HSD17B7: variants seen among roughly 807,000 people sequenced by gnomAD.
HSD17B7 encodes the protein hydroxysteroid 17-beta dehydrogenase 7, also known as 3-keto-steroid reductase/17-beta-hydroxysteroid dehydrogenase 7.
Under a neutral mutation model 34.1 loss-of-function variants are expected in HSD17B7, and 17 were observed. The ratio of observed to expected loss-of-function variants is 0.50; its 90% CI spans 0.34 to 0.75. The LOEUF is 0.75. Among genes scored for constraint, HSD17B7 ranks in the 30% least tolerant of loss-of-function variants. HSD17B7 has a pLI of 0.01. For synonymous variants in HSD17B7, 122 were observed against 154.6 expected (o/e 0.79, Z 1.56); for missense variants, 296 against 406.6 (o/e 0.73, Z 2.34).
chr1:162,808,043 A>G (rs1019509889), intron 8 of HSD17B7, among the ~76,000 whole-genome samples: 38 of 152,274 alleles, frequency 2.5e-4, no homozygotes, highest in African/African-American at 8.9e-4. Flanking sequence ...GTCCTTGCCC[A>G]TGCCTATGTC....
intron 5 of HSD17B7, chr1:162,800,322 A>C: frequency 2.2e-6 from 1 of 455,894 alleles, no homozygotes; most frequent in Non-Finnish European, 4.4e-6. Context: ...AACTTAAGTC[A>C]TTTACCTGAT....
At chr1:162,803,023 C>G (rs1350490956) in intron 5 of HSD17B7, 2 of 155,326 alleles carry the variant, frequency 1.3e-5, no homozygotes, top group African/African-American at 4.8e-5. Flanking sequence ...AGGCCAGAAA[C>G]TTCTTGAAGG....
intron 8 of HSD17B7, among the ~76,000 whole-genome samples, chr1:162,806,194 G>C (rs115993066): frequency 3.3e-5 from 5 of 152,112 alleles, no homozygotes; most frequent in Non-Finnish European, 7.4e-5. Context: ...TTTGTCATGC[G>C]TAAGGTTTGT....
intron 1 of HSD17B7, among the ~76,000 whole-genome samples, chr1:162,791,186 C>T (rs1187946447): frequency 6.6e-6 from 1 of 152,116 alleles, no homozygotes; most frequent in Non-Finnish European, 1.5e-5. Context: ...TTGCTCCTGA[C>T]CACGTGATCA....
intron 8 of HSD17B7, among the ~76,000 whole-genome samples, chr1:162,810,619 T>C (rs953235570): frequency 2.6e-5 from 4 of 151,312 alleles, no homozygotes; most frequent in African/African-American, 9.7e-5. Context: ...ACTTGCTTTA[T>C]GAATCTGGGT....
chr1:162,795,813 C>A, intron 2 of HSD17B7: 1 of 346,712 alleles, frequency 2.9e-6, no homozygotes, highest in Non-Finnish European at 5.7e-6. Flanking sequence ...CTGCCTTGAA[C>A]CTAGTTCAAA....
chr1:162,792,534 C>A, intron 1 of HSD17B7, 125 bp from the exon 2 acceptor site: 4 of 1,284,858 alleles, frequency 3.1e-6, no homozygotes, highest in South Asian at 1.5e-5. Flanking sequence ...ATTGTTGAGT[C>A]TTTTCTTTCT....
intron 8 of HSD17B7, among the ~76,000 whole-genome samples, chr1:162,807,046 C>T (rs1649003224): frequency 6.6e-6 from 1 of 152,156 alleles, no homozygotes; most frequent in African/African-American, 2.4e-5. Context: ...CATATGTATA[C>T]ATGTGCCATG....
intron 8 of HSD17B7, among the ~76,000 whole-genome samples, chr1:162,806,666 G>T (rs902260400): frequency 1.3e-5 from 2 of 152,146 alleles, no homozygotes; most frequent in African/African-American, 4.8e-5. Context: ...TCCCTTTGGG[G>T]AATTCTATTG....
At chr1:162,804,942 T>C (rs1300325549) in intron 7 of HSD17B7, among the ~76,000 whole-genome samples, 1 of 152,242 alleles carries the variant, frequency 6.6e-6, no homozygotes, top group Non-Finnish European at 1.5e-5. Context: ...TGCTAACGGT[T>C]CAGAATTGTC....
chr1:162,805,780 T>C (rs989140171), intron 8 of HSD17B7, among the ~76,000 whole-genome samples: 2 of 152,238 alleles, frequency 1.3e-5, no homozygotes, highest in African/African-American at 4.8e-5. Flanking sequence ...TGGGTGCCTC[T>C]GTAATAGGCT....
intron 8 of HSD17B7, among the ~76,000 whole-genome samples, chr1:162,811,334 G>A (rs1649163758): frequency 6.6e-6 from 1 of 152,292 alleles, no homozygotes; most frequent in South Asian, 2.1e-4. Context: ...AGTCTGATGG[G>A]CTTCCCTTTG....
rs1648678651 is a variant in HSD17B7, at chr1:162,798,006, C to G, written c.447+90C>G. 5 of 1,451,800 alleles carry G rather than the reference C, an allele frequency of 3.4e-6. No homozygotes were observed. In the Admixed American group the frequency reaches 1.3e-4, roughly 37 times the overall value. The allele number at this position is 1,451,800 out of a possible 1,614,324, so 89.9% of individuals were successfully genotyped here. ...CAGGGCATTATTATAGTTGAGCAGC[C>G]AGTTAACTGATTTAATCTCATGTTT... On this transcript the variant is annotated intron_variant, in intron 4 of 8. Coordinates refer to ENST00000254521, the MANE Select transcript of HSD17B7 (RefSeq NM_016371.4).
intron 5 of HSD17B7, chr1:162,800,224 G>A (rs557348612): frequency 2.9e-4 from 162 of 550,050 alleles, no homozygotes; most frequent in Admixed American, 2.3e-3. Context: ...TGCTGTATTC[G>A]TCTGTGTATG....
rs746310965 is a variant in HSD17B7 at position 162,803,384 on chromosome 1, A to G, written c.643-47A>G. The G allele has an allele frequency of 7.0e-6, 11 of 1,580,160 alleles. No homozygotes were observed. The Admixed American group carries it at 1.9e-4, about 27-fold the overall frequency. ...AACTAGCATGTAGCTGGACTGAGTCAATATACACTGAGTTAAAGTCTCATT... is the reference window on the plus strand; with the variant it reads ...AACTAGCATGTAGCTGGACTGAGTCGATATACACTGAGTTAAAGTCTCATT... On this transcript the variant is annotated intron_variant, in intron 5 of 8. Coordinates refer to ENST00000254521, the MANE Select transcript of HSD17B7 (RefSeq NM_016371.4).
At chr1:162,791,007 CTGGTGCTTTGTAT>C (rs1332340548) in intron 1 of HSD17B7, among the ~76,000 whole-genome samples, 172 bp downstream of exon 1, 1 of 150,642 alleles carries the variant, frequency 6.6e-6, no homozygotes, top group Non-Finnish European at 1.5e-5. Context: ...TGCTCAGTAA[CTGGTGCTTTGTAT>C]TAAACATGAC....
At chr1:162,803,388 T>C (rs1648877985) in intron 5 of HSD17B7, 43 bp from the exon 6 acceptor site, 2 of 1,590,574 alleles carry the variant, frequency 1.3e-6, no homozygotes, top group South Asian at 1.1e-5. Context: ...TGAGTCAATA[T>C]ACACTGAGTT....
chr1:162,792,306 T>TA (rs1201230863), intron 1 of HSD17B7, among the ~76,000 whole-genome samples: 1 of 152,230 alleles, frequency 6.6e-6, no homozygotes, highest in Non-Finnish European at 1.5e-5. Flanking sequence ...TTTGAGCCCT[T>TA]ACTGGTGATA....
In HSD17B7 at chr1:162,799,739, C is replaced by G. The variant is rs370614809; in HGVS notation, c.448-4C>G. 3 of 1,607,876 alleles carry G rather than the reference C, an allele frequency of 1.9e-6. No homozygotes were observed. The highest frequency in any genetic ancestry group is 2.5e-6 in the Non-Finnish European group (3 of 1,177,440). On this transcript the variant is annotated splice_polypyrimidine_tract_variant and splice_region_variant and intron_variant, in intron 4 of 8. Transcript: ENST00000254521. ...TTAATACTTTTTTTTTTTCTTTCAC[C>G]CAGATTCGGGAACTGGAGCCTCTCC...
Sources: allele counts gnomAD v4.1 joint callset (sites outside exome capture counted in the v4.1 genomes callset), GRCh38; gene constraint gnomAD v4.1.1; transcripts MANE v1.5; gene names NCBI Gene and HGNC (gene_info 2026-07-23, HGNC 2026-07-21).